PIEZO1: variants seen among roughly 807,000 people sequenced by gnomAD.
The protein encoded by PIEZO1 is piezo-type mechanosensitive ion channel component 1.
In PIEZO1, 296 loss-of-function variants were observed where a neutral mutation model predicts 297.2. The observed-to-expected ratio is 1.00, with a 90% CI of 0.91 to 1.10. The LOEUF is 1.10. Among genes scored for constraint, PIEZO1 ranks in the 50% least tolerant of loss-of-function variants. PIEZO1 has a pLI of 0.00. For synonymous variants in PIEZO1, 2,427 were observed against 1,507.5 expected (o/e 1.61, Z -14.13); for missense variants, 5,018 against 3,455.5 (o/e 1.45, Z -11.34).
Position 88,723,244 on chromosome 16 carries a change from C to T in PIEZO1, c.4420G>A (p.Ala1474Thr), listed in dbSNP as rs1330770941. 3.9e-6 allele frequency: 6 copies of T among 1,545,910 alleles called. No individual in the cohort carries two copies. Among genetic ancestry groups the T allele is most frequent in the African/African-American group, 1.4e-5 (1 of 72,772 alleles). Residue 1474 changes from alanine (A) to threonine (T), a missense_variant, in exon 32 of 51, where the codon GCA (alanine) becomes ACA (threonine). Transcript: ENST00000301015. Reference sequence around the variant, plus strand: ...AGCTCACCTGTGGGTAGCTGTCCTGCCTGTTCCTGCCTTGCCTGCTCCTGC... The same window carrying T: ...AGCTCACCTGTGGGTAGCTGTCCTGTCTGTTCCTGCCTTGCCTGCTCCTGC... The part of the protein sequence containing the change: ...QEQEQARQEQ[A>T]GQLPTGGGPS...
intron 44 of PIEZO1, chr16:88,717,564 C>T (rs1912140187): frequency 2.0e-6 from 1 of 489,336 alleles, no homozygotes; most frequent in African/African-American, 1.9e-5. Context: ...AGCGAAACTT[C>T]AGAGCTAAAA....
chr16:88,723,073 C>G, intron 33 of PIEZO1, 22 bp downstream of exon 33: 1 of 1,546,318 alleles, frequency 6.5e-7, no homozygotes, highest in Non-Finnish European at 8.7e-7. Flanking sequence ...ACCTCCCACT[C>G]CCCAGCCCCG....
At chr16:88,766,417 A>C (rs1907183584) in intron 1 of PIEZO1, among the ~76,000 whole-genome samples, 1 of 152,186 alleles carries the variant, frequency 6.6e-6, no homozygotes, top group African/African-American at 2.4e-5. Flanking sequence ...TCAGCTCCTT[A>C]AAATAAATAC....
chr16:88,716,351 C>T lies in PIEZO1; in HGVS notation c.7049+10G>A. The T allele has an allele frequency of 2.0e-6, 3 of 1,524,428 alleles. No individual in the cohort carries two copies. Among genetic ancestry groups the T allele is most frequent in the East Asian group, 2.5e-5 (1 of 40,566 alleles). 94.4% of individuals were successfully genotyped at this position (1,524,428 alleles called of 1,614,324 possible). ...AGCCCTCCTGCCCACCACCCGGGCCCTTCACTCACACAGACTGGTCCGAGG... is the reference window on the plus strand; with the variant it reads ...AGCCCTCCTGCCCACCACCCGGGCCTTTCACTCACACAGACTGGTCCGAGG... On this transcript the variant is annotated intron_variant, in intron 48 of 50. Transcript: ENST00000301015.
At position 88,736,130 on chromosome 16, in the gene PIEZO1, G is replaced by A. The variant is rs747757437; in HGVS notation, c.1557+18C>T. Reference sequence around the variant, plus strand: ...TCTGCGCACCCAGGCACCCCCGGATGTGGTGGTGCACACTCACCATGGCAC... The same window carrying A: ...TCTGCGCACCCAGGCACCCCCGGATATGGTGGTGCACACTCACCATGGCAC... On this transcript the variant is annotated intron_variant, in intron 12 of 50. Transcript: ENST00000301015. 7.2e-6 allele frequency: 11 copies of A among 1,530,980 alleles called. No homozygotes were observed. The African/African-American group carries it at 1.2e-4, about 17-fold the overall frequency. The allele number at this position is 1,530,980 out of a possible 1,614,324, so 94.8% of individuals were successfully genotyped here.
intron 1 of PIEZO1, 55 bp downstream of exon 1, chr16:88,784,846 G>T: frequency 7.9e-7 from 1 of 1,273,132 alleles, no homozygotes; most frequent in Non-Finnish European, 1.1e-6. Flanking sequence ...CCAGGCCGTG[G>T]GGAGCCGAGA....
At chr16:88,749,098 G>A (rs1322924441) in intron 2 of PIEZO1, among the ~76,000 whole-genome samples, 1 of 151,928 alleles carries the variant, frequency 6.6e-6, no homozygotes, top group East Asian at 1.9e-4. Flanking sequence ...AAATAAGCCA[G>A]GCGTGGTGGC....
In PIEZO1 at chr16:88,730,737, C is replaced by T. The variant is rs116372464; in HGVS notation, c.3196+969G>A. Among the ~76,000 whole-genome samples the T allele has an allele frequency of 9.1e-3, 1,390 of 152,168 alleles. 27 individuals are homozygous for T. The highest frequency in any genetic ancestry group is 0.031 in the African/African-American group (1,300 of 41,508). Reference sequence around the variant, plus strand: ...GTGAACCACCATGCCCAGCCAAATACGGGGAGATGATGTAACAGTGTGTGG... The same window carrying T: ...GTGAACCACCATGCCCAGCCAAATATGGGGAGATGATGTAACAGTGTGTGG... On this transcript the variant is annotated intron_variant, in intron 22 of 50. Transcript: ENST00000301015.
At chr16:88,771,233 C>G (rs537671834) in intron 1 of PIEZO1, among the ~76,000 whole-genome samples, 58 of 152,254 alleles carry the variant, frequency 3.8e-4, no homozygotes, top group African/African-American at 1.3e-3. Context: ...AGTGACCCCC[C>G]CTTGGGAGGT....
chr16:88,769,811 A>G (rs1373812584), intron 1 of PIEZO1, among the ~76,000 whole-genome samples: 2 of 152,180 alleles, frequency 1.3e-5, no homozygotes, highest in African/African-American at 4.8e-5. Flanking sequence ...CGGGGCCAGG[A>G]CGAGCCTCAT....
At chr16:88,758,191 T>C (rs933509847) in intron 1 of PIEZO1, among the ~76,000 whole-genome samples, 10 of 152,158 alleles carry the variant, frequency 6.6e-5, no homozygotes, top group Admixed American at 5.9e-4. Flanking sequence ...GAGATGGCCA[T>C]TGAGGAGCAA....
intron 27 of PIEZO1, 30 bp downstream of exon 27, chr16:88,726,254 G>C: frequency 6.5e-7 from 1 of 1,528,654 alleles, no homozygotes; most frequent in Non-Finnish European, 8.8e-7. Context: ...CAAGACGGGA[G>C]CTCTGGGCTG....
chr16:88,760,928 A>T (rs1906905021), intron 1 of PIEZO1, among the ~76,000 whole-genome samples: 1 of 152,180 alleles, frequency 6.6e-6, no homozygotes, highest in South Asian at 2.1e-4. Flanking sequence ...TCTGACCTAC[A>T]CGGGGCAGGG....
At chr16:88,770,387 G>A (rs1907367923) in intron 1 of PIEZO1, among the ~76,000 whole-genome samples, 1 of 152,032 alleles carries the variant, frequency 6.6e-6, no homozygotes, top group Admixed American at 6.5e-5. Context: ...TCGACCTTTA[G>A]GAGTCTGCAG....
intron 21 of PIEZO1, 150 bp downstream of exon 21, chr16:88,732,185 A>T: frequency 1.5e-6 from 1 of 661,732 alleles, no homozygotes; most frequent in Non-Finnish European, 2.6e-6. Context: ...ACAGGAGTCC[A>T]GGGAAGCCGT....
rs1034592465 is a variant in PIEZO1 at position 88,725,052 on chromosome 16, C to T, written c.4191G>A (p.Pro1397=). Reference sequence around the variant, plus strand: ...AGGGCCGCCACCACTGCCTCCGTGGCGGGGAGGAGCCCCCTGGACTGTCGG... The same window carrying T: ...AGGGCCGCCACCACTGCCTCCGTGGTGGGGAGGAGCCCCCTGGACTGTCGG... ...PGPDSPGGSS[P]PRRQWWRPWL... Residue 1397 remains proline, a synonymous_variant, in exon 30 of 51, where the codon CCG becomes CCA. Transcript: ENST00000301015. The T allele has an allele frequency of 3.8e-5, 57 of 1,496,934 alleles. No homozygotes were observed. The highest frequency in any genetic ancestry group is 5.5e-5 in the East Asian group (2 of 36,604). 92.7% of individuals were successfully genotyped at this position (1,496,934 alleles called of 1,614,324 possible).
rs1054953259 is a variant in PIEZO1, at chr16:88,722,335, G to A, written c.4838C>T (p.Thr1613Ile). The change falls in exon 36 of 51, where the codon ACC (threonine) becomes ATC (isoleucine). Residue 1613 changes from threonine to isoleucine, a missense_variant. By Grantham distance (89) the Thr-to-Ile change is moderately conservative. Coordinates refer to ENST00000301015, the MANE Select transcript of PIEZO1 (RefSeq NM_001142864.4). ...MTDDMGSPLS[T>I]GYHTRSGSEE... ...ACTGCCACTGCGCGTGTGGTAGCCG[G>A]TGCTCAGGGGGCTGCCCATGTCGTC... 3.2e-6 allele frequency: 5 copies of A among 1,541,512 alleles called. No individual in the cohort carries two copies. The East Asian group carries it at 1.2e-4, about 38-fold the overall frequency.
chr16:88,744,516 G>A (rs539060669), intron 2 of PIEZO1, among the ~76,000 whole-genome samples: 1 of 151,504 alleles, frequency 6.6e-6, no homozygotes, highest in Non-Finnish European at 1.5e-5. Flanking sequence ...GGAACTGCCT[G>A]ACCAGAGACC....
rs569520386 is a variant in PIEZO1, at chr16:88,722,215, C to G, written c.4955+3G>C. 3.2e-6 allele frequency: 5 copies of G among 1,545,538 alleles called. No homozygotes were observed. The South Asian group carries it at 3.6e-5, about 11-fold the overall frequency. On this transcript the variant is annotated splice_donor_region_variant and intron_variant, in intron 36 of 50. Coordinates refer to ENST00000301015, the MANE Select transcript of PIEZO1 (RefSeq NM_001142864.4). ...GCTGGTGTTGTGCGCGTCCCGCCCC[C>G]ACCTGTCCAGGAGCAGCTCGCTGGC...
Sources: gnomAD v4.1 joint callset for allele counts (sites outside exome capture counted in the v4.1 genomes callset) on GRCh38, gnomAD v4.1.1 for gene constraint, MANE v1.5 for transcripts, NCBI Gene and HGNC (gene_info 2026-07-23, HGNC 2026-07-21) for gene names.